ATP13A3: variants seen among roughly 807,000 people sequenced by gnomAD.
The protein encoded by ATP13A3 is polyamine-transporting ATPase 13A3.
A neutral mutation model predicts 158.1 loss-of-function variants in ATP13A3; 59 were observed. The ratio of observed to expected loss-of-function variants is 0.37; its 90% CI spans 0.30 to 0.46. The LOEUF (loss-of-function observed/expected upper bound fraction) is 0.46, where lower values mean the gene tolerates loss of function less well. Ranked by LOEUF, ATP13A3 falls within the 20% of genes least tolerant of loss-of-function variation. The pLI is 1.00. For missense variants in ATP13A3, 1,166 were observed against 1,525.2 expected, an observed-to-expected ratio of 0.76 and a Z score of 3.92; for synonymous variants, 491 against 504.3, an observed-to-expected ratio of 0.97 and a Z score of 0.35.
rs527873297 is a variant in ATP13A3 at position 194,405,494 on chromosome 3, A to G, written c.*425T>C. ...ATTAACACTCATCTTCTTTTTATCA[A>G]TCACAAACTTACAGCCTGTATATAA... is the stretch of plus-strand genomic sequence containing the variant. On this transcript the variant is annotated 3_prime_UTR_variant, in exon 34 of 34. Coordinates refer to ENST00000645319, the MANE Select transcript of ATP13A3 (RefSeq NM_001367549.1). 1.4e-3 allele frequency: 227 copies of G among 158,222 alleles called. 3 individuals are homozygous for G. Among genetic ancestry groups the G allele is most frequent in the Non-Finnish European group, 2.2e-3 (157 of 71,802 alleles). The allele number at this position is 158,222 out of a possible 1,614,324, so 9.8% of individuals were successfully genotyped here. A position where few individuals can be genotyped will look rare whatever the true frequency, so the allele number is the denominator to read the frequency against.
At chr3:194,434,753 C>CA (rs1309403989) in intron 20 of ATP13A3, among the ~76,000 whole-genome samples, 4 of 151,908 alleles carry the variant, frequency 2.6e-5, no homozygotes, top group Admixed American at 6.6e-5. Flanking sequence ...CCCGTCTCTA[C>CA]AAAAAATGAA....
chr3:194,431,569 A>C, intron 22 of ATP13A3, 148 bp downstream of exon 22: 1 of 821,790 alleles, frequency 1.2e-6, no homozygotes. Context: ...TCCCAGTCCT[A>C]ATGAAACATA....
intron 6 of ATP13A3, among the ~76,000 whole-genome samples, chr3:194,458,383 A>T (rs1368941892): frequency 6.6e-6 from 1 of 151,676 alleles, no homozygotes; most frequent in Non-Finnish European, 1.5e-5. Flanking sequence ...ATGACAGCCC[A>T]TTGGCAATTT....
chr3:194,442,589 GAACCAAGTAAACCATGTGTTGTCCAAC>G (rs1398445603), intron 15 of ATP13A3, among the ~76,000 whole-genome samples: 12 of 152,084 alleles, frequency 7.9e-5, no homozygotes, highest in Non-Finnish European at 1.8e-4. Flanking sequence ...GACTTGGAAA[GAACCAAGTAAACCATGTGTTGTCCAAC>G]ACATGGTTAG....
intron 31 of ATP13A3, 38 bp from the exon 32 acceptor site, chr3:194,413,877 A>G (rs1368525135): frequency 5.2e-6 from 8 of 1,527,766 alleles, no homozygotes; most frequent in Non-Finnish European, 7.3e-6. Flanking sequence ...AAATTGTTGT[A>G]TGTAGTCAAT....
intron 31 of ATP13A3, among the ~76,000 whole-genome samples, chr3:194,414,221 G>A (rs189935857): frequency 6.6e-6 from 1 of 152,096 alleles, no homozygotes; most frequent in Non-Finnish European, 1.5e-5. Context: ...CCAACATCTT[G>A]GGAGGCAGAG....
chr3:194,425,228 G>T, intron 30 of ATP13A3, 114 bp downstream of exon 30: 1 of 1,001,864 alleles, frequency 1.0e-6, no homozygotes, highest in Non-Finnish European at 1.5e-6. Flanking sequence ...TCACTAAGTT[G>T]ATTCTATCTG....
intron 33 of ATP13A3, among the ~76,000 whole-genome samples, chr3:194,407,285 C>T (rs898863601): frequency 1.3e-5 from 2 of 152,162 alleles, no homozygotes; most frequent in Non-Finnish European, 2.9e-5. Context: ...CTACAACTAG[C>T]TCTAAATGCA....
At chr3:194,473,794 T>C (rs574906804) in intron 2 of ATP13A3, among the ~76,000 whole-genome samples, 1 of 152,244 alleles carries the variant, frequency 6.6e-6, no homozygotes, top group Admixed American at 6.5e-5. Context: ...CGTCCATCAA[T>C]AGAAGAATAG....
intron 2 of ATP13A3, among the ~76,000 whole-genome samples, chr3:194,471,324 T>TAAAAAA (rs59967046): frequency 1.5e-3 from 133 of 87,912 alleles, no homozygotes; most frequent in African/African-American, 2.6e-3. Context: ...CAGCAAATTC[T>TAAAAAA]AAAAAAAAAA....
intron 33 of ATP13A3, among the ~76,000 whole-genome samples, chr3:194,411,595 A>G (rs1006730449): frequency 6.6e-6 from 1 of 152,158 alleles, no homozygotes; most frequent in African/African-American, 2.4e-5. Flanking sequence ...TTCAAATGAC[A>G]GGCTGTTTAA....
At chr3:194,420,245 A>C (rs1451502085) in intron 30 of ATP13A3, 1 of 187,242 alleles carries the variant, frequency 5.3e-6, no homozygotes, top group Non-Finnish European at 1.1e-5. Flanking sequence ...AAAAAATAAG[A>C]CTCAGACCTT....
At position 194,441,331 on chromosome 3, in the gene ATP13A3, T is replaced by C. The variant is rs764581649; in HGVS notation, c.1690A>G (p.Met564Val). Residue 564 changes from methionine (M) to valine (V), a missense_variant, in exon 16 of 34, where the codon ATG (methionine) becomes GTG (valine). Physicochemically the swap from Met to Val is conservative, Grantham distance 21. This residue lies in a region of ATP13A3 where 997 missense variants were observed against 1,341.2 expected (regional missense o/e 0.74). Coordinates refer to ENST00000645319, the MANE Select transcript of ATP13A3 (RefSeq NM_001367549.1). ...VLSGDPLDLK[M>V]FEAIGWILEE... ...CTTACCCATCCAATAGCCTCAAACA[T>C]TTTCAGATCAAGTGGATCACCAGAG... 1 of 1,612,408 alleles carries C rather than the reference T, an allele frequency of 6.2e-7. No homozygotes were observed. The highest frequency in any genetic ancestry group is 1.3e-5 in the African/African-American group (1 of 74,900).
rs1210950852 is a variant in ATP13A3 at position 194,446,997 on chromosome 3, A to G, written c.1427T>C (p.Ile476Thr). The change falls in exon 14 of 34, where the codon ATC becomes ACC. Residue 476 changes from isoleucine (I) to threonine (T), a missense_variant. By Grantham distance (89) the Ile-to-Thr change is moderately conservative. Around this residue, in one of 3 missense-constraint regions of ATP13A3, gnomAD observed 997 missense variants for 1,341.2 expected, o/e 0.74. Coordinates refer to ENST00000645319, the MANE Select transcript of ATP13A3 (RefSeq NM_001367549.1). ...TTGAGGACTGATACAGAAAATACCG[A>G]TTTTTTTCAGTCTTCTCTGAGCATA... The part of the protein sequence containing the change: ...IVYAQRRLKK[I>T]GIFCISPQRI... 2 of 1,613,600 alleles carry G rather than the reference A, an allele frequency of 1.2e-6. No individual in the cohort carries two copies. The highest frequency in any genetic ancestry group is 4.5e-5 in the East Asian group (2 of 44,856).
Position 194,430,882 on chromosome 3 carries a change from G to A in ATP13A3, c.2624+61C>T, listed in dbSNP as rs182584724. 276 of 1,305,268 alleles carry A rather than the reference G, an allele frequency of 2.1e-4. 1 individual carries two copies. In the South Asian group the frequency reaches 2.8e-3, roughly 13 times the overall value. 80.9% of individuals were successfully genotyped at this position (1,305,268 alleles called of 1,614,324 possible). A position where few individuals can be genotyped will look rare whatever the true frequency, so the allele number is the denominator to read the frequency against. Reference sequence around the variant, plus strand: ...AGAAACATATAAAAATTATTTTTCTGATGCTGAAATGAAACCATCATTCAT... The same window carrying A: ...AGAAACATATAAAAATTATTTTTCTAATGCTGAAATGAAACCATCATTCAT... On this transcript the variant is annotated intron_variant, in intron 24 of 33. Transcript: ENST00000645319.
Position 194,486,623 on chromosome 3 carries a change from G to T in ATP13A3, c.-146C>A. On this transcript the variant is annotated 5_prime_UTR_variant, in exon 1 of 34. Coordinates refer to ENST00000645319, the MANE Select transcript of ATP13A3 (RefSeq NM_001367549.1). ...TCCTCCGCGGCCTCCCTCGCGGCCGGACCAGCCCCAGGGACCGCGGGGGAC... is the reference window on the plus strand; with the variant it reads ...TCCTCCGCGGCCTCCCTCGCGGCCGTACCAGCCCCAGGGACCGCGGGGGAC... The T allele has an allele frequency of 1.3e-5, 2 of 149,280 alleles. No homozygotes were observed. The highest frequency in any genetic ancestry group is 3.6e-4 in the South Asian group (2 of 5,630). The allele number at this position is 149,280 out of a possible 1,614,324, so 9.2% of individuals were successfully genotyped here.
At chr3:194,468,644 T>C (rs969340917) in intron 2 of ATP13A3, among the ~76,000 whole-genome samples, 8 of 152,160 alleles carry the variant, frequency 5.3e-5, no homozygotes, top group African/African-American at 1.7e-4. Flanking sequence ...CCTGAGTTTC[T>C]CAAGAGTTGT....
chr3:194,421,743 A>C (rs1228083513), intron 30 of ATP13A3, among the ~76,000 whole-genome samples: 1 of 151,958 alleles, frequency 6.6e-6, no homozygotes, highest in African/African-American at 2.4e-5. Context: ...AAGTATATAA[A>C]AACAGAAAAG....
At chr3:194,455,197 G>A (rs1421678294) in intron 8 of ATP13A3, among the ~76,000 whole-genome samples, 1 of 152,140 alleles carries the variant, frequency 6.6e-6, no homozygotes, top group East Asian at 1.9e-4. Flanking sequence ...CTTTCTCTAA[G>A]ATAATAACTA....
Sources: allele counts gnomAD v4.1 joint callset (sites outside exome capture counted in the v4.1 genomes callset), GRCh38; gene constraint gnomAD v4.1.1; regional missense constraint gnomAD v4.1.1; transcripts MANE v1.5; gene names NCBI Gene and HGNC (gene_info 2026-07-23, HGNC 2026-07-21).